Variants in SEC24D observed in about 807,000 individuals in gnomAD.
SEC24D encodes SEC24 homolog D, COPII component.
SEC24D carries 69 observed loss-of-function variants against 116.9 expected under a neutral mutation model. That is an observed-to-expected ratio of 0.59 (90% confidence interval 0.49 to 0.72). The LOEUF (loss-of-function observed/expected upper bound fraction) is 0.72. Among genes scored for constraint, SEC24D ranks in the 30% least tolerant of loss-of-function variants. SEC24D has a pLI of 0.00. For missense variants in SEC24D, 1,131 were observed against 1,264.1 expected (o/e 0.89, Z 1.60); for synonymous variants, 405 against 442.8 (o/e 0.91, Z 1.07).
At chr4:118,787,771 T>C (rs1728718048) in intron 8 of SEC24D, among the ~76,000 whole-genome samples, 1 of 152,182 alleles carries the variant, frequency 6.6e-6, no homozygotes, top group Non-Finnish European at 1.5e-5. Context: ...TTGTACACCG[T>C]ACTCCAGCCT....
Position 118,752,730 on chromosome 4 carries a change from A to T in SEC24D, c.1580T>A (p.Val527Asp). The change falls in exon 12 of 23, where the codon GTC becomes GAC. Residue 527 changes from valine (V) to aspartate (D), a missense_variant. Val to Asp is a radical substitution (Grantham distance 152). Coordinates refer to ENST00000280551, the MANE Select transcript of SEC24D (RefSeq NM_014822.4). ...CACAGATTGGGATTCTTGATAGTTG[A>T]CAAGGAAACCATCCAACAAAGGAAC... is the stretch of plus-strand genomic sequence containing the variant. ...VFVPLLDGFL[V>D]NYQESQSVIH... 1 of 1,607,072 alleles carries T rather than the reference A, an allele frequency of 6.2e-7. No homozygotes were observed. Among genetic ancestry groups the T allele is most frequent in the Non-Finnish European group, 8.5e-7 (1 of 1,178,042 alleles).
intron 7 of SEC24D, among the ~76,000 whole-genome samples, chr4:118,805,276 T>C (rs1347800293): frequency 1.3e-5 from 2 of 152,212 alleles, no homozygotes; most frequent in African/African-American, 4.8e-5. Context: ...TAAAATGGTA[T>C]ATTCAGAATC....
At chr4:118,790,297 G>T (rs1221609811) in intron 8 of SEC24D, among the ~76,000 whole-genome samples, 1 of 152,092 alleles carries the variant, frequency 6.6e-6, no homozygotes, top group East Asian at 1.9e-4. Context: ...CTACCATCTG[G>T]TTTATAGGTG....
chr4:118,813,862 A>G lies in SEC24D; in HGVS notation c.801+1166T>C, dbSNP rs1008982634. On this transcript the variant is annotated intron_variant, in intron 6 of 22. Transcript: ENST00000280551. ...ACTAATACATTATCCTAAACCATCC[A>G]CACTCTAGCCAAGCCTCCAGCTGAC... is the stretch of plus-strand genomic sequence containing the variant. Among the ~76,000 whole-genome samples, 7 of 152,302 alleles carry G rather than the reference A, an allele frequency of 4.6e-5. No homozygotes were observed. The East Asian group carries it at 1.2e-3, about 25-fold the overall frequency.
chr4:118,787,124 C>A (rs976800799), intron 8 of SEC24D, among the ~76,000 whole-genome samples: 5 of 152,310 alleles, frequency 3.3e-5, no homozygotes, highest in Admixed American at 2.6e-4. Context: ...CAAACTTTTT[C>A]ATAGTACTTT....
At chr4:118,832,192 A>G (rs1279225683) in intron 2 of SEC24D, among the ~76,000 whole-genome samples, 1 of 152,132 alleles carries the variant, frequency 6.6e-6, no homozygotes, top group Non-Finnish European at 1.5e-5. Context: ...CTGAGATCGC[A>G]AAACTGCACC....
In SEC24D at chr4:118,815,598, T is replaced by C. The variant is rs990756306; in HGVS notation, c.526A>G (p.Thr176Ala). Residue 176 changes from threonine to alanine, a missense_variant, in exon 5 of 23, where the codon ACC becomes GCC. Physicochemically the swap from Thr to Ala is moderately conservative, Grantham distance 58. Coordinates refer to ENST00000280551, the MANE Select transcript of SEC24D (RefSeq NM_014822.4). The part of the protein sequence containing the change: ...PGSQVLPPPP[T>A]TLNGPGASPL... ...GAGGCACCAGGACCATTGAGTGTGGTGGGTGGTGGTGGAAGAACTTGAGAT... is the reference window on the plus strand; with the variant it reads ...GAGGCACCAGGACCATTGAGTGTGGCGGGTGGTGGTGGAAGAACTTGAGAT... 3.1e-6 allele frequency: 5 copies of C among 1,614,016 alleles called. No individual in the cohort carries two copies. In the East Asian group the frequency reaches 1.1e-4, roughly 36 times the overall value.
intron 8 of SEC24D, among the ~76,000 whole-genome samples, chr4:118,771,765 A>C (rs1727914686): frequency 6.6e-6 from 1 of 152,224 alleles, no homozygotes; most frequent in African/African-American, 2.4e-5. Flanking sequence ...AAATTTTAAA[A>C]GTCTTCTTAT....
Position 118,751,486 on chromosome 4 carries a change from G to A in SEC24D, c.1707+510C>T, listed in dbSNP as rs571833139. Reference sequence around the variant, plus strand: ...AGAGTGAGTGCTTTTTAATCATTACGGCTTCTTCAGTTTACTGTCTTCATT... The same window carrying A: ...AGAGTGAGTGCTTTTTAATCATTACAGCTTCTTCAGTTTACTGTCTTCATT... On this transcript the variant is annotated intron_variant, in intron 13 of 22. Transcript: ENST00000280551. Among the ~76,000 whole-genome samples, 12 of 152,130 alleles carry A rather than the reference G, an allele frequency of 7.9e-5. No individual in the cohort carries two copies. In the South Asian group the frequency reaches 1.7e-3, roughly 21 times the overall value.
chr4:118,814,993 G>A (rs745794035), intron 6 of SEC24D, 35 bp downstream of exon 6: 12 of 1,604,652 alleles, frequency 7.5e-6, no homozygotes, highest in Non-Finnish European at 1.0e-5. Context: ...ATGCTCCTTT[G>A]TGAGTGAGAC....
At chr4:118,742,982 A>G (rs1726308354) in intron 15 of SEC24D, among the ~76,000 whole-genome samples, 1 of 152,134 alleles carries the variant, frequency 6.6e-6, no homozygotes, top group Admixed American at 6.5e-5. Flanking sequence ...GGAGAAACTC[A>G]GATCGTGCCC....
intron 14 of SEC24D, 23 bp downstream of exon 14, chr4:118,744,921 A>G (rs758071479): frequency 4.7e-6 from 6 of 1,263,254 alleles, no homozygotes; most frequent in Non-Finnish European, 5.8e-6. Context: ...TGACATATGG[A>G]TACTCAAAGA....
chr4:118,753,003 G>T, intron 11 of SEC24D, 115 bp from the exon 12 acceptor site: 1 of 739,764 alleles, frequency 1.4e-6, no homozygotes, highest in Non-Finnish European at 2.1e-6. Flanking sequence ...CATGTTTAAA[G>T]TTTTTGTCTT....
chr4:118,755,738 C>T (rs1400430829), intron 11 of SEC24D, among the ~76,000 whole-genome samples: 1 of 151,936 alleles, frequency 6.6e-6, no homozygotes, highest in East Asian at 1.9e-4. Flanking sequence ...GACAATCTTA[C>T]CTTAAAAAAA....
chr4:118,741,261 A>T (rs954963108), intron 15 of SEC24D, among the ~76,000 whole-genome samples: 1 of 152,140 alleles, frequency 6.6e-6, no homozygotes, highest in African/African-American at 2.4e-5. Context: ...TTTCATTTTA[A>T]CACTTGGATG....
intron 1 of SEC24D, 116 bp downstream of exon 1, chr4:118,835,825 G>T (rs1031371015): frequency 4.1e-4 from 63 of 153,136 alleles, no homozygotes; most frequent in Admixed American, 1.4e-3. Flanking sequence ...CGCCGCCACT[G>T]CCTCAGGTGA....
At chr4:118,725,079 CG>C (rs3836704) in intron 22 of SEC24D, among the ~76,000 whole-genome samples, 43,484 of 152,120 alleles carry the variant, frequency 0.29, 7,112 homozygotes, top group Non-Finnish European at 0.37. Context: ...TCCTTTATAA[CG>C]TTTCGGCCTG....
chr4:118,797,633 T>C (rs1578446846), intron 8 of SEC24D, 50 bp downstream of exon 8: 2 of 1,389,680 alleles, frequency 1.4e-6, no homozygotes, highest in East Asian at 4.7e-5. Flanking sequence ...GAGAAAATGG[T>C]AATTTTGGAA....
chr4:118,743,959 A>ACT (rs779945210), intron 15 of SEC24D, 29 bp downstream of exon 15: 2 of 1,579,400 alleles, frequency 1.3e-6, no homozygotes, highest in Non-Finnish European at 8.6e-7. Context: ...GGAGTAGAAG[A>ACT]CCAAGGTGAA....
Sources: gnomAD v4.1 joint callset for allele counts (sites outside exome capture counted in the v4.1 genomes callset) on GRCh38, gnomAD v4.1.1 for gene constraint, MANE v1.5 for transcripts, NCBI Gene and HGNC (gene_info 2026-07-23, HGNC 2026-07-21) for gene names.